Variants in LOXHD1 observed in about 807,000 individuals in gnomAD.
LOXHD1 encodes the protein lipoxygenase homology PLAT domains 1, also known as lipoxygenase homology domain-containing protein 1.
Under a neutral mutation model 248.2 loss-of-function variants are expected in LOXHD1, and 205 were observed. That is an observed-to-expected ratio of 0.83 (90% confidence interval 0.74 to 0.93). The LOEUF (loss-of-function observed/expected upper bound fraction) is 0.93, where lower values mean the gene tolerates loss of function less well. Ranked by LOEUF, LOXHD1 falls within the 40% of genes least tolerant of loss-of-function variation. The probability of loss-of-function intolerance (pLI) is 0.00; values close to 1 mark genes in which losing one functional copy is unlikely to be tolerated. For missense variants in LOXHD1, 2,930 were observed against 2,971.6 expected, an observed-to-expected ratio of 0.99 and a Z score of 0.33; for synonymous variants, 1,113 against 1,162.8, an observed-to-expected ratio of 0.96 and a Z score of 0.87.
At chr18:46,631,992 G>A (rs1341311401) in intron 4 of LOXHD1, among the ~76,000 whole-genome samples, 5 of 152,182 alleles carry the variant, frequency 3.3e-5, no homozygotes, top group African/African-American at 1.2e-4. Flanking sequence ...AGGCACAGGA[G>A]CCAACACAAT....
At chr18:46,560,048 TCCCTCC>T in intron 19 of LOXHD1, 29 bp downstream of exon 19, 1 of 1,226,290 alleles carries the variant, frequency 8.2e-7, no homozygotes, top group Non-Finnish European at 1.1e-6. Context: ...GTCTGGCCAC[TCCCTCC>T]CCACCCCCAC....
At chr18:46,578,128 G>A (rs968221575) in intron 13 of LOXHD1, among the ~76,000 whole-genome samples, 1 of 152,202 alleles carries the variant, frequency 6.6e-6, no homozygotes, top group Non-Finnish European at 1.5e-5. Flanking sequence ...AAGTTAAGCT[G>A]TTGTCAGTCA....
chr18:46,557,013 A>T (rs1598995987), intron 21 of LOXHD1, among the ~76,000 whole-genome samples: 1 of 139,000 alleles, frequency 7.2e-6, no homozygotes, highest in African/African-American at 2.8e-5. Flanking sequence ...CACCCAGTCC[A>T]CCCTTACTTT....
downstream of LOXHD1, chr18:46,477,164 T>G: frequency 1.4e-6 from 1 of 719,214 alleles, no homozygotes; most frequent in South Asian, 1.5e-5. Flanking sequence ...TTCTATCCCC[T>G]GGGTGAAGAC....
In LOXHD1 at chr18:46,656,227, G is replaced by GA. The variant is rs540318178; in HGVS notation, c.130+676dup. 3.8e-4 allele frequency among the ~76,000 whole-genome samples: 58 copies of GA among 152,176 alleles called. 1 individual carries two copies. Among genetic ancestry groups the GA allele is most frequent in the Middle Eastern group, 3.4e-3 (1 of 294 alleles). ...CGTCCACAGCCTATTGGCATTCACA[G>GA]AAAAAAGGATTTCAAAACGCTGGAA... On this transcript the variant is annotated intron_variant, in intron 1 of 40. Transcript: ENST00000642948.
intron 26 of LOXHD1, among the ~76,000 whole-genome samples, chr18:46,535,413 C>T (rs2036264997): frequency 6.6e-6 from 1 of 152,046 alleles, no homozygotes; most frequent in Non-Finnish European, 1.5e-5. Context: ...AAAGCTGATA[C>T]ATGTGTGCCA....
intron 37 of LOXHD1, among the ~76,000 whole-genome samples, chr18:46,504,159 G>T (rs191833097): frequency 6.6e-6 from 1 of 152,230 alleles, no homozygotes; most frequent in East Asian, 1.9e-4. Context: ...TGTTACCCAG[G>T]CTGGAGTGCA....
intron 37 of LOXHD1, among the ~76,000 whole-genome samples, chr18:46,499,367 A>G (rs2034080370): frequency 6.6e-6 from 1 of 152,312 alleles, no homozygotes; most frequent in South Asian, 2.1e-4. Flanking sequence ...GTATCTATGA[A>G]TGTCTGTTAG....
chr18:46,535,801 C>T (rs2144296454), intron 26 of LOXHD1, among the ~76,000 whole-genome samples: 1 of 152,266 alleles, frequency 6.6e-6, no homozygotes, highest in Non-Finnish European at 1.5e-5. Flanking sequence ...GAACTCCTGA[C>T]CTCAGGTGAT....
Position 46,477,671 on chromosome 18 carries a change from A to C in LOXHD1, c.6623T>G (p.Leu2208Arg), listed in dbSNP as rs1373665604. 7 of 1,551,742 alleles carry C rather than the reference A, an allele frequency of 4.5e-6. No homozygotes were observed. The highest frequency in any genetic ancestry group is 6.1e-6 in the Non-Finnish European group (7 of 1,147,042). ...CAGCTCACCCAGCTCCAGCGTCTCC[A>C]GGAAGAAGCGGTCTGTGCTGCCCCG... Reference protein sequence around the residue: ...FERGSTDRFFLETLELGELRK... With the variant: ...FERGSTDRFFRETLELGELRK... Residue 2208 changes from leucine (L) to arginine (R), a missense_variant, in exon 41 of 41, where the codon CTG (leucine) becomes CGG (arginine). Leu to Arg is a moderately radical substitution (Grantham distance 102). Transcript: ENST00000642948.
chr18:46,509,375 C>T (rs2034802225), intron 35 of LOXHD1, among the ~76,000 whole-genome samples: 1 of 152,182 alleles, frequency 6.6e-6, no homozygotes, highest in Non-Finnish European at 1.5e-5. Flanking sequence ...AGGCCTTGCT[C>T]CTCCTCTCTC....
intron 21 of LOXHD1, among the ~76,000 whole-genome samples, chr18:46,549,751 A>T (rs2037005893): frequency 6.6e-6 from 1 of 152,254 alleles, no homozygotes; most frequent in Non-Finnish European, 1.5e-5. Flanking sequence ...CATATTTGCC[A>T]CATGAAACAA....
chr18:46,550,938 C>T (rs1425909894), intron 21 of LOXHD1, among the ~76,000 whole-genome samples: 2 of 152,096 alleles, frequency 1.3e-5, no homozygotes, highest in African/African-American at 4.8e-5. Flanking sequence ...ACTATGACCC[C>T]ATGAATGCAG....
intron 21 of LOXHD1, among the ~76,000 whole-genome samples, chr18:46,555,642 A>C (rs1316513): frequency 0.12 from 18,234 of 152,182 alleles, 1,234 homozygotes; most frequent in Middle Eastern, 0.18. Flanking sequence ...CAGCAGCCCC[A>C]AAGCCCACTC....
chr18:46,520,332 C>T, intron 33 of LOXHD1: 1 of 471,046 alleles, frequency 2.1e-6, no homozygotes, highest in Non-Finnish European at 4.4e-6. Context: ...GTCCAAGAAG[C>T]CCATTGGTTT....
intron 4 of LOXHD1, among the ~76,000 whole-genome samples, chr18:46,621,098 G>A: frequency 6.6e-6 from 1 of 152,178 alleles, no homozygotes; most frequent in East Asian, 1.9e-4. Context: ...GAGGTCAGGA[G>A]GAAGCTGATT....
intron 18 of LOXHD1, among the ~76,000 whole-genome samples, chr18:46,562,362 T>C (rs1424997272): frequency 6.6e-6 from 1 of 152,212 alleles, no homozygotes; most frequent in Non-Finnish European, 1.5e-5. Context: ...CCTGCACACA[T>C]ATATCTGCAC....
At position 46,569,467 on chromosome 18, in the gene LOXHD1, G is replaced by C. The variant is rs1465450941; in HGVS notation, c.2219C>G (p.Thr740Ser). ...YFERGRVDEF[T>S]LETLNIGNIN... ...ATTTCCAATGTTCAGGGTCTCGAGGGTGAACTCATCCACCCGGCCACGTTC... is the reference window on the plus strand; with the variant it reads ...ATTTCCAATGTTCAGGGTCTCGAGGCTGAACTCATCCACCCGGCCACGTTC... Residue 740 changes from threonine to serine, a missense_variant, in exon 16 of 41, where the codon ACC becomes AGC. Coordinates refer to ENST00000642948, the MANE Select transcript of LOXHD1 (RefSeq NM_001384474.1). 1.7e-5 allele frequency: 27 copies of C among 1,552,200 alleles called. No homozygotes were observed. The highest frequency in any genetic ancestry group is 2.4e-5 in the Non-Finnish European group (27 of 1,147,090).
At chr18:46,488,514 C>T (rs1413148345) in intron 38 of LOXHD1, among the ~76,000 whole-genome samples, 3 of 152,178 alleles carry the variant, frequency 2.0e-5, no homozygotes, top group Non-Finnish European at 4.4e-5. Flanking sequence ...TGGCCATCCC[C>T]TCAGGATCAA....
Sources: allele counts gnomAD v4.1 joint callset (sites outside exome capture counted in the v4.1 genomes callset), GRCh38; gene constraint gnomAD v4.1.1; transcripts MANE v1.5; gene names NCBI Gene and HGNC (gene_info 2026-07-23, HGNC 2026-07-21).